Variants in GRAP2 observed in about 807,000 individuals in gnomAD.
GRAP2 encodes the protein GRB2 related adaptor protein 2.
Under a neutral mutation model 43.5 loss-of-function variants are expected in GRAP2, and 31 were observed. The observed-to-expected ratio is 0.71, with a 90% CI of 0.54 to 0.96. The LOEUF (loss-of-function observed/expected upper bound fraction) is 0.96, where lower values mean the gene tolerates loss of function less well. GRAP2 is among the 40% of genes least tolerant of loss of function. GRAP2 has a pLI of 0.00. For synonymous variants in GRAP2, 156 were observed against 164.8 expected (o/e 0.95, Z 0.41); for missense variants, 371 against 424.4 (o/e 0.87, Z 1.11).
At chr22:39,913,416 A>G (rs187888911) in intron 1 of GRAP2, among the ~76,000 whole-genome samples, 14 of 152,322 alleles carry the variant, frequency 9.2e-5, no homozygotes, top group Admixed American at 2.6e-4. Context: ...AGGTAAATCC[A>G]GTAAGATGAA....
At chr22:39,952,430 A>G (rs1359659545) in intron 2 of GRAP2, among the ~76,000 whole-genome samples, 1 of 152,160 alleles carries the variant, frequency 6.6e-6, no homozygotes, top group Non-Finnish European at 1.5e-5. Context: ...TTCCCATGTG[A>G]CGGGAGAAAG....
chr22:39,907,401 A>G (rs546896398), intron 1 of GRAP2, among the ~76,000 whole-genome samples: 1 of 152,282 alleles, frequency 6.6e-6, no homozygotes, highest in South Asian at 2.1e-4. Flanking sequence ...CCACCCATAT[A>G]TCCTGAATAG....
Position 39,971,263 on chromosome 22 carries a change from G to C in GRAP2, c.*179G>C. Reference sequence around the variant, plus strand: ...GGGCTGGTAATTAGTTGATGCAAAAGGGAACTCAGGTGGAGAATAATATTG... The same window carrying C: ...GGGCTGGTAATTAGTTGATGCAAAACGGAACTCAGGTGGAGAATAATATTG... On this transcript the variant is annotated 3_prime_UTR_variant, in exon 8 of 8. Coordinates refer to ENST00000344138, the MANE Select transcript of GRAP2 (RefSeq NM_004810.4). 1.8e-6 allele frequency: 1 copy of C among 551,200 alleles called. No individual in the cohort carries two copies. Among genetic ancestry groups the C allele is most frequent in the Middle Eastern group, 4.6e-4 (1 of 2,178 alleles). 34.1% of individuals were successfully genotyped at this position (551,200 alleles called of 1,614,324 possible).
At chr22:39,920,981 C>T (rs2066645817) in intron 1 of GRAP2, among the ~76,000 whole-genome samples, 1 of 146,248 alleles carries the variant, frequency 6.8e-6, no homozygotes, top group Non-Finnish European at 1.5e-5. Flanking sequence ...CACACACACA[C>T]ACACACACAA....
chr22:39,947,134 A>G lies in GRAP2; in HGVS notation c.28A>G (p.Thr10Ala). 1 of 1,608,398 alleles carries G rather than the reference A, an allele frequency of 6.2e-7. No individual in the cohort carries two copies. The highest frequency in any genetic ancestry group is 8.5e-7 in the Non-Finnish European group (1 of 1,174,770). The part of the protein sequence containing the change: MEAVAKFDF[T>A]ASGEDELSFH... ...GGAAGCTGTTGCCAAGTTTGATTTC[A>G]CTGCTTCAGGTGAGGATGAACTGAG... Residue 10 changes from threonine (T) to alanine (A), a missense_variant, in exon 2 of 8, where the codon ACT (threonine) becomes GCT (alanine). Transcript: ENST00000344138.
Position 39,901,246 on chromosome 22 carries a change from A to T in GRAP2, c.-99A>T. The T allele has an allele frequency of 7.9e-7, 1 of 1,263,852 alleles. No individual in the cohort carries two copies. The highest frequency in any genetic ancestry group is 1.2e-5 in the South Asian group (1 of 80,464). 78.3% of individuals were successfully genotyped at this position (1,263,852 alleles called of 1,614,324 possible). A position where few individuals can be genotyped will look rare whatever the true frequency, so the allele number is the denominator to read the frequency against. On this transcript the variant is annotated 5_prime_UTR_variant, in exon 1 of 8. An upstream open reading frame in the 5' UTR loses its in-frame stop. Coordinates refer to ENST00000344138, the MANE Select transcript of GRAP2 (RefSeq NM_004810.4). ...TGAAATGCAGTAACTCTGATGCTTG[A>T]ATTTGTCTCCCTTCTTGCCAGAAAG...
At chr22:39,898,242 A>C (rs2066473270), upstream of GRAP2, among the ~76,000 whole-genome samples, 1 of 151,556 alleles carries the variant, frequency 6.6e-6, no homozygotes, top group Non-Finnish European at 1.5e-5. Context: ...TCTCAGCCAC[A>C]CTCCCTGTGG....
At position 39,971,459 on chromosome 22, in the gene GRAP2, G is replaced by C. The variant is rs989175625; in HGVS notation, c.*375G>C. 9 of 211,352 alleles carry C rather than the reference G, an allele frequency of 4.3e-5. No individual in the cohort carries two copies. The highest frequency in any genetic ancestry group is 4.0e-4 in the South Asian group (5 of 12,582). 13.1% of individuals were successfully genotyped at this position (211,352 alleles called of 1,614,324 possible). A position where few individuals can be genotyped will look rare whatever the true frequency, so the allele number is the denominator to read the frequency against. ...AAGCAGAGACCACACCTCGGCACTG[G>C]ACACAGAACAACAGGGTGGGGTTGA... On this transcript the variant is annotated 3_prime_UTR_variant, in exon 8 of 8. Coordinates refer to ENST00000344138, the MANE Select transcript of GRAP2 (RefSeq NM_004810.4).
intron 1 of GRAP2, among the ~76,000 whole-genome samples, chr22:39,940,095 A>G (rs112092213): frequency 1.3e-5 from 2 of 152,320 alleles, no homozygotes; most frequent in African/African-American, 2.4e-5. Context: ...AGAGAAAACC[A>G]GAAGCAAGAC....
intron 1 of GRAP2, among the ~76,000 whole-genome samples, chr22:39,924,427 G>A (rs1374198368): frequency 6.6e-6 from 1 of 152,198 alleles, no homozygotes; most frequent in Non-Finnish European, 1.5e-5. Context: ...ATGGTCGGGC[G>A]CGGTGGCTCA....
intron 1 of GRAP2, among the ~76,000 whole-genome samples, chr22:39,906,246 G>A (rs901296129): frequency 2.0e-5 from 3 of 152,170 alleles, no homozygotes; most frequent in African/African-American, 7.2e-5. Flanking sequence ...TAAAACGCAA[G>A]AGTATAAGCC....
rs778446781 is a variant in GRAP2, at chr22:39,969,527, G to T, written c.807G>T (p.Ala269=). 6.2e-7 allele frequency: 1 copy of T among 1,613,752 alleles called. No homozygotes were observed. The highest frequency in any genetic ancestry group is 1.7e-5 in the Admixed American group (1 of 60,000). ...ACACAGACCCAGTGCAGCTCCAGGC[G>T]GCAGGGGTATGGGAACTGTCCTTCT... ...RRHTDPVQLQ[A]AGRVRWARAL... Residue 269 remains alanine (A), a synonymous_variant, in exon 7 of 8, where the codon GCG becomes GCT. Transcript: ENST00000344138.
chr22:39,968,372 T>G, intron 6 of GRAP2, 100 bp downstream of exon 6: 1 of 1,414,716 alleles, frequency 7.1e-7, no homozygotes, highest in Non-Finnish European at 9.7e-7. Context: ...GAGTTCATGA[T>G]GAAGACCCTG....
rs1268342773 is a variant in GRAP2, at chr22:39,969,532, G to T, written c.812G>T (p.Gly271Val). ...GACCCAGTGCAGCTCCAGGCGGCAG[G>T]GGTATGGGAACTGTCCTTCTCTGGG... Reference protein sequence around the residue: ...HTDPVQLQAAGRVRWARALYD... With the variant: ...HTDPVQLQAAVRVRWARALYD... The change falls in exon 7 of 8, where the codon GGG becomes GTG. Residue 271 changes from glycine (G) to valine (V), a missense_variant and splice_region_variant. Physicochemically the swap from Gly to Val is moderately radical, Grantham distance 109 (BLOSUM62 -3). Coordinates refer to ENST00000344138, the MANE Select transcript of GRAP2 (RefSeq NM_004810.4). 1 of 1,613,792 alleles carries T rather than the reference G, an allele frequency of 6.2e-7. No individual in the cohort carries two copies. Among genetic ancestry groups the T allele is most frequent in the East Asian group, 2.2e-5 (1 of 44,874 alleles).
rs1376342870 is a variant in GRAP2 at position 39,910,837 on chromosome 22, C to T, written c.-15+9507C>T. 2.6e-5 allele frequency among the ~76,000 whole-genome samples: 4 copies of T among 152,024 alleles called. No homozygotes were observed. In the South Asian group the frequency reaches 8.3e-4, roughly 31 times the overall value. The stretch of plus-strand genomic sequence containing the variant: ...TTGATAACAACTTGTCCAAATCTTT[C>T]AGAGCTAGGGTATTAGCTTCCCCTC... On this transcript the variant is annotated intron_variant, in intron 1 of 7. Transcript: ENST00000344138.
intron 3 of GRAP2, among the ~76,000 whole-genome samples, chr22:39,959,153 C>G (rs528338489): frequency 6.6e-6 from 1 of 152,192 alleles, no homozygotes; most frequent in East Asian, 1.9e-4. Flanking sequence ...ATTGCAGACA[C>G]TCATTTTGCT....
At chr22:39,918,025 C>T (rs1359327621) in intron 1 of GRAP2, among the ~76,000 whole-genome samples, 1 of 152,108 alleles carries the variant, frequency 6.6e-6, no homozygotes, top group Non-Finnish European at 1.5e-5. Context: ...AAATGCATAG[C>T]ATTTTTAGGC....
Position 39,971,094 on chromosome 22 carries a change from G to T in GRAP2, c.*10G>T. On this transcript the variant is annotated 3_prime_UTR_variant, in exon 8 of 8. Transcript: ENST00000344138. Reference sequence around the variant, plus strand: ...ACCCATGACCCGATAAACTCTTCAGGGGACAGAAGCTTTTTGTCTGGAGCT... The same window carrying T: ...ACCCATGACCCGATAAACTCTTCAGTGGACAGAAGCTTTTTGTCTGGAGCT... 1 of 1,598,590 alleles carries T rather than the reference G, an allele frequency of 6.3e-7. No homozygotes were observed. Among genetic ancestry groups the T allele is most frequent in the Non-Finnish European group, 8.5e-7 (1 of 1,173,712 alleles).
rs186059507 is a variant in GRAP2 at position 39,952,332 on chromosome 22, G to A, written c.79-3487G>A. On this transcript the variant is annotated intron_variant, in intron 2 of 7. Transcript: ENST00000344138. ...GTGAGCCATGGCACCCGGCCTCAAC[G>A]TGTGGTTCTTACGGTGACAAGGTAG... 3.5e-3 allele frequency among the ~76,000 whole-genome samples: 528 copies of A among 152,254 alleles called. 8 individuals carry two copies. Among genetic ancestry groups the A allele is most frequent in the African/African-American group, 0.012 (505 of 41,558 alleles).
Sources: gnomAD v4.1 joint callset for allele counts (sites outside exome capture counted in the v4.1 genomes callset) on GRCh38, gnomAD v4.1.1 for gene constraint, MANE v1.5 for transcripts, NCBI Gene and HGNC (gene_info 2026-07-23, HGNC 2026-07-21) for gene names.